YPEL2: variants seen among roughly 807,000 people sequenced by gnomAD.
YPEL2 encodes the protein yippee like 2, also known as protein yippee-like 2.
YPEL2 carries 2 observed loss-of-function variants against 19.1 expected under a neutral mutation model. That is an observed-to-expected ratio of 0.10 (90% CI 0.04 to 0.33). The LOEUF (loss-of-function observed/expected upper bound fraction) is 0.33, where lower values mean the gene tolerates loss of function less well. Ranked by LOEUF, YPEL2 falls within the 10% of genes least tolerant of loss-of-function variation. YPEL2 has a pLI of 1.00. For synonymous variants in YPEL2, 52 were observed against 50.0 expected, an observed-to-expected ratio of 1.04 and a Z score of -0.17; for missense variants, 66 against 140.7, an observed-to-expected ratio of 0.47 and a Z score of 2.68.
intron 2 of YPEL2, among the ~76,000 whole-genome samples, chr17:59,367,362 C>T (rs2047875543): frequency 6.6e-6 from 1 of 152,302 alleles, no homozygotes; most frequent in South Asian, 2.1e-4. Context: ...GGGCTGTTTG[C>T]AGTCTTGATT....
At chr17:59,367,308 C>G (rs2047875190) in intron 2 of YPEL2, among the ~76,000 whole-genome samples, 2 of 152,184 alleles carry the variant, frequency 1.3e-5, no homozygotes, top group African/African-American at 4.8e-5. Flanking sequence ...AGTTGGTTCA[C>G]TAACTTCCAG....
intron 2 of YPEL2, among the ~76,000 whole-genome samples, chr17:59,365,592 T>G (rs2047864664): frequency 6.6e-6 from 1 of 152,192 alleles, no homozygotes; most frequent in South Asian, 2.1e-4. Context: ...GGGGAATCTT[T>G]TGAAAGAAAC....
At position 59,401,186 on chromosome 17, in the gene YPEL2, C is replaced by T. The variant is rs2048069294; in HGVS notation, c.*3996C>T. On this transcript the variant is annotated 3_prime_UTR_variant, in exon 5 of 5. Coordinates refer to ENST00000312655, the MANE Select transcript of YPEL2 (RefSeq NM_001005404.4). ...CTTTTTTTTTTTAAGGTCAGATTGC[C>T]TCAGGTTTAGAAAGAGGCTGAGAAA... is the stretch of plus-strand genomic sequence containing the variant. 1 of 151,680 alleles carries T rather than the reference C, an allele frequency of 6.6e-6. No individual in the cohort carries two copies. The highest frequency in any genetic ancestry group is 2.1e-4 in the South Asian group (1 of 4,800). 9.4% of individuals were successfully genotyped at this position (151,680 alleles called of 1,614,324 possible). A position where few individuals can be genotyped will look rare whatever the true frequency, so the allele number is the denominator to read the frequency against.
intron 1 of YPEL2, among the ~76,000 whole-genome samples, chr17:59,333,410 A>T (rs1461609313): frequency 6.6e-6 from 1 of 152,164 alleles, no homozygotes; most frequent in Non-Finnish European, 1.5e-5. Flanking sequence ...CTGTGCTTGA[A>T]CCAAAATCAA....
At chr17:59,369,457 G>A (rs767792827) in intron 2 of YPEL2, among the ~76,000 whole-genome samples, 3 of 152,174 alleles carry the variant, frequency 2.0e-5, no homozygotes, top group Non-Finnish European at 4.4e-5. Flanking sequence ...GGCCCTGATG[G>A]CCGAGGGAAG....
intron 2 of YPEL2, among the ~76,000 whole-genome samples, chr17:59,380,301 G>A (rs1162790697): frequency 8.4e-5 from 11 of 130,560 alleles, no homozygotes; most frequent in South Asian, 4.8e-4. Context: ...TTTTGAGATG[G>A]AGTCTCGCTG....
chr17:59,387,185 A>G (rs1054540137), intron 2 of YPEL2, among the ~76,000 whole-genome samples: 6 of 141,362 alleles, frequency 4.2e-5, no homozygotes, highest in South Asian at 2.3e-4. Context: ...GCTTGAACTC[A>G]GGAGATGGAG....
intron 1 of YPEL2, among the ~76,000 whole-genome samples, chr17:59,332,629 G>A (rs1035274267): frequency 1.3e-4 from 20 of 152,184 alleles, no homozygotes; most frequent in Non-Finnish European, 2.6e-4. Flanking sequence ...GCGTGCGGGG[G>A]TGGGGGACAC....
At chr17:59,373,815 T>TG (rs1006194313) in intron 2 of YPEL2, among the ~76,000 whole-genome samples, 3 of 152,226 alleles carry the variant, frequency 2.0e-5, no homozygotes, top group Non-Finnish European at 2.9e-5. Context: ...GTCAGGCACT[T>TG]GCGTTGGCCA....
In YPEL2 at chr17:59,358,180, C is replaced by G. The variant is rs141844311; in HGVS notation, c.117+4654C>G. 2.8e-4 allele frequency among the ~76,000 whole-genome samples: 42 copies of G among 152,228 alleles called. No homozygotes were observed. The East Asian group carries it at 7.7e-3, about 28-fold the overall frequency. ...CCTCCACAGTGTTCTGTGTGAGGAGCCCTGGCCTGACTTGTTTTCAAGCTC... is the reference window on the plus strand; with the variant it reads ...CCTCCACAGTGTTCTGTGTGAGGAGGCCTGGCCTGACTTGTTTTCAAGCTC... On this transcript the variant is annotated intron_variant, in intron 2 of 4. Coordinates refer to ENST00000312655, the MANE Select transcript of YPEL2 (RefSeq NM_001005404.4).
At chr17:59,363,158 A>G (rs1480406235) in intron 2 of YPEL2, 4 of 151,584 alleles carry the variant, frequency 2.6e-5, no homozygotes, top group East Asian at 3.9e-4. Context: ...ATAGATATAT[A>G]TATAGAGAGA....
chr17:59,332,255 G>T (rs550126873), intron 1 of YPEL2, among the ~76,000 whole-genome samples: 140 of 152,258 alleles, frequency 9.2e-4, no homozygotes, highest in African/African-American at 2.8e-3. Context: ...CTCTCGTGAC[G>T]CCGCGTTTCC....
intron 4 of YPEL2, among the ~76,000 whole-genome samples, chr17:59,391,533 C>T (rs2048007504): frequency 6.6e-6 from 1 of 151,942 alleles, no homozygotes; most frequent in African/African-American, 2.4e-5. Flanking sequence ...AAAAAATTGT[C>T]CCAGGTGGAG....
chr17:59,364,901 G>C (rs2047860948), intron 2 of YPEL2, among the ~76,000 whole-genome samples: 1 of 152,160 alleles, frequency 6.6e-6, no homozygotes, highest in Non-Finnish European at 1.5e-5. Flanking sequence ...CAAAGTGCTG[G>C]GATTACGGGT....
chr17:59,392,160 CCT>C (rs779337397), intron 4 of YPEL2, among the ~76,000 whole-genome samples: 2 of 152,178 alleles, frequency 1.3e-5, no homozygotes, highest in African/African-American at 2.4e-5. Flanking sequence ...TGCCCCTGCC[CCT>C]GTTTCCCAGC....
chr17:59,361,077 C>T (rs534997994), intron 2 of YPEL2, among the ~76,000 whole-genome samples: 48 of 152,304 alleles, frequency 3.2e-4, no homozygotes, highest in African/African-American at 1.2e-3. Context: ...AGCAATCCAC[C>T]TGCCTCTGCC....
intron 2 of YPEL2, among the ~76,000 whole-genome samples, chr17:59,374,836 A>T (rs2047912906): frequency 6.6e-6 from 1 of 152,196 alleles, no homozygotes; most frequent in African/African-American, 2.4e-5. Context: ...GAAGTGCTAG[A>T]ACTGGGAACT....
At chr17:59,339,051 G>A (rs4968324) in intron 1 of YPEL2, among the ~76,000 whole-genome samples, 104,486 of 150,948 alleles carry the variant, frequency 0.69, 36,645 homozygotes, top group East Asian at 0.84. Context: ...TGCTCTTTCT[G>A]TTTTTGCTTT....
intron 1 of YPEL2, among the ~76,000 whole-genome samples, chr17:59,350,088 CT>C (rs542716696): frequency 6.6e-6 from 1 of 150,672 alleles, no homozygotes; most frequent in East Asian, 1.9e-4. Context: ...TTTTTCTTTT[CT>C]TTTTTTTTAA....
Sources: allele counts gnomAD v4.1 joint callset (sites outside exome capture counted in the v4.1 genomes callset), GRCh38; gene constraint gnomAD v4.1.1; transcripts MANE v1.5; gene names NCBI Gene and HGNC (gene_info 2026-07-23, HGNC 2026-07-21).